DMD: variants seen among roughly 807,000 people sequenced by gnomAD.
DMD encodes mutant dystrophin.
DMD carries 63 observed loss-of-function variants against 330.1 expected under a neutral mutation model. The observed-to-expected ratio is 0.19, with a 90% CI of 0.16 to 0.24. The LOEUF (loss-of-function observed/expected upper bound fraction) is 0.24. Among genes scored for constraint, DMD ranks in the 10% least tolerant of loss-of-function variants. The probability of loss-of-function intolerance (pLI) is 1.00; values close to 1 mark genes in which losing one functional copy is unlikely to be tolerated. For missense variants in DMD, 3,344 were observed against 2,684.1 expected (o/e 1.25, Z -5.43); for synonymous variants, 1,223 against 959.8 (o/e 1.27, Z -5.07).
At chrX:33,052,142 T>C (rs2094465310) in intron 1 of DMD, among the ~76,000 whole-genome samples, 1 of 111,818 alleles carries the variant, frequency 8.9e-6, no homozygotes, top group Admixed American at 9.5e-5. Flanking sequence ...AACACAAGAA[T>C]TGTAGTTTAA....
chrX:33,235,916 A>ATT (rs1210743904), intron 1 of DMD, among the ~76,000 whole-genome samples: 4 of 87,135 alleles, frequency 4.6e-5, no homozygotes, highest in Non-Finnish European at 6.8e-5. Context: ...TATTATTATT[A>ATT]TTTTTTTTTT....
chrX:32,002,207 T>C (rs767771727), intron 44 of DMD, among the ~76,000 whole-genome samples: 4 of 112,091 alleles, frequency 3.6e-5, no homozygotes, highest in Non-Finnish European at 7.5e-5. Context: ...GTTTGTTCTC[T>C]ATGGTGATGT....
At chrX:32,741,484 G>T (rs771940703) in intron 7 of DMD, among the ~76,000 whole-genome samples, 2 of 111,479 alleles carry the variant, frequency 1.8e-5, no homozygotes, top group African/African-American at 6.5e-5. Flanking sequence ...TATTGTTGTC[G>T]TTAAGGTGAT....
At chrX:32,876,278 G>A (rs191211044) in intron 2 of DMD, among the ~76,000 whole-genome samples, 3 of 111,689 alleles carry the variant, frequency 2.7e-5, no homozygotes, top group African/African-American at 9.8e-5. Flanking sequence ...GTTGTCTCTA[G>A]ATACAAAATG....
At chrX:31,592,205 T>C (rs1175025370) in intron 55 of DMD, among the ~76,000 whole-genome samples, 1 of 108,952 alleles carries the variant, frequency 9.2e-6, no homozygotes, top group African/African-American at 3.3e-5. Context: ...GTGCATATAT[T>C]CCAGGTTTCT....
chrX:32,708,107 T>C (rs2064849354), intron 7 of DMD, among the ~76,000 whole-genome samples: 1 of 111,978 alleles, frequency 8.9e-6, no homozygotes, highest in South Asian at 3.7e-4. Context: ...GAAGTTATAC[T>C]TGATACACAG....
intron 74 of DMD, among the ~76,000 whole-genome samples, chrX:31,162,356 T>TAAAAAAAAAAAAAAAAAAAAAAAAAAAA (rs57908991): frequency 1.2e-4 from 6 of 50,617 alleles, no homozygotes; most frequent in African/African-American, 4.0e-4. Flanking sequence ...ATGAAAAATC[T>TAAAAAAAAAAAAAAAAAAAAAAAAAAAA]AAAAAAAAAA....
In DMD at chrX:33,047,497, C is replaced by T. The variant is rs753823561; in HGVS notation, c.32-27297G>A. Among the ~76,000 whole-genome samples, 69 of 110,479 alleles carry T rather than the reference C, an allele frequency of 6.2e-4. No individual in the cohort carries two copies. In the South Asian group the frequency reaches 9.6e-3, roughly 15 times the overall value. On this transcript the variant is annotated intron_variant, in intron 1 of 78. Coordinates refer to ENST00000357033, the MANE Select transcript of DMD (RefSeq NM_004006.3). The stretch of plus-strand genomic sequence containing the variant: ...CTATAAAATTTGTTTGTACTACTGG[C>T]GATTTTTTTTTAAAAAAGCTTATGC...
intron 15 of DMD, among the ~76,000 whole-genome samples, chrX:32,568,509 G>GAAA (rs35867606): frequency 7.6e-5 from 7 of 92,089 alleles, no homozygotes; most frequent in African/African-American, 2.3e-4. Flanking sequence ...TCCATCTCAA[G>GAAA]AAAAAAAAAA....
intron 44 of DMD, among the ~76,000 whole-genome samples, chrX:32,083,888 T>C (rs1198541572): frequency 8.9e-6 from 1 of 112,802 alleles, no homozygotes; most frequent in Non-Finnish European, 1.9e-5. Flanking sequence ...TCAGATTGCC[T>C]AGAAAGCTTT....
intron 62 of DMD, among the ~76,000 whole-genome samples, chrX:31,304,273 G>T (rs4587485): frequency 0.069 from 7,731 of 111,276 alleles, 220 homozygotes; most frequent in African/African-American, 0.11. Context: ...GCTTCTTTAA[G>T]GAATAATGAT....
At chrX:32,505,608 T>C (rs1237284738) in intron 18 of DMD, among the ~76,000 whole-genome samples, 1 of 112,043 alleles carries the variant, frequency 8.9e-6, no homozygotes, top group Non-Finnish European at 1.9e-5. Context: ...TTTGGAGGTT[T>C]CTTACAAAAG....
At position 31,336,685 on chromosome X, in the gene DMD, T is replaced by C. The variant is rs139482934; in HGVS notation, c.9163+11871A>G. On this transcript the variant is annotated intron_variant, in intron 61 of 78. Transcript: ENST00000357033. ...GATGCTTTGTCTTGGAGAGCTTGAA[T>C]GTAATACACAGAGATAAACAGAGAT... 2.8e-4 allele frequency among the ~76,000 whole-genome samples: 31 copies of C among 111,561 alleles called. 2 individuals carry two copies. In the East Asian group the frequency reaches 6.8e-3, roughly 24 times the overall value.
intron 47 of DMD, among the ~76,000 whole-genome samples, chrX:31,879,710 A>C (rs1292377457): frequency 8.9e-6 from 1 of 112,025 alleles, no homozygotes; most frequent in Non-Finnish European, 1.9e-5. Context: ...GCTCTTCTGC[A>C]CTTTAAAACA....
chrX:31,422,744 A>G (rs1342570176), intron 60 of DMD, among the ~76,000 whole-genome samples: 1 of 111,944 alleles, frequency 8.9e-6, no homozygotes, highest in Non-Finnish European at 1.9e-5. Context: ...GTTACTTTGG[A>G]AAGTATCCTA....
chrX:32,468,844 A>G (rs2040326937), intron 22 of DMD, 134 bp from the exon 23 acceptor site: 1 of 530,031 alleles, frequency 1.9e-6, no homozygotes, highest in Non-Finnish European at 3.1e-6. Flanking sequence ...TATCAGTTAT[A>G]AACTTCTAGT....
intron 44 of DMD, among the ~76,000 whole-genome samples, chrX:32,182,530 C>T (rs1171762270): frequency 9.0e-6 from 1 of 111,128 alleles, no homozygotes; most frequent in Non-Finnish European, 1.9e-5. Flanking sequence ...CCCCTCCCCC[C>T]AGGTCTGTGG....
At chrX:32,761,026 T>C (rs1314586253) in intron 7 of DMD, among the ~76,000 whole-genome samples, 1 of 90,127 alleles carries the variant, frequency 1.1e-5, no homozygotes, top group Non-Finnish European at 2.0e-5. Flanking sequence ...GGGCATTATT[T>C]CTCTCTCTCT....
At chrX:31,136,459 ATC>A (rs2035246791) in intron 76 of DMD, among the ~76,000 whole-genome samples, 1 of 112,290 alleles carries the variant, frequency 8.9e-6, no homozygotes, top group African/African-American at 3.2e-5. Context: ...GGCTGATTAC[ATC>A]TCTCTGTTTC....
Sources: gnomAD v4.1 joint callset for allele counts (sites outside exome capture counted in the v4.1 genomes callset) on GRCh38, gnomAD v4.1.1 for gene constraint, MANE v1.5 for transcripts, NCBI Gene and HGNC (gene_info 2026-07-23, HGNC 2026-07-21) for gene names.